Variants in SETD1A observed in about 807,000 individuals in gnomAD.
SETD1A encodes the protein SET domain containing 1A, histone lysine methyltransferase, also known as histone-lysine N-methyltransferase SETD1A.
A neutral mutation model predicts 149.9 loss-of-function variants in SETD1A; 29 were observed. That is an observed-to-expected ratio of 0.19 (90% CI 0.14 to 0.26). The LOEUF (loss-of-function observed/expected upper bound fraction) is 0.26, where lower values mean the gene tolerates loss of function less well. Ranked by LOEUF, SETD1A falls within the 10% of genes least tolerant of loss-of-function variation. The pLI, the probability that SETD1A is intolerant of heterozygous loss-of-function variation, is 1.00. For synonymous variants in SETD1A, 1,141 were observed against 968.5 expected (o/e 1.18, Z -3.31); for missense variants, 2,109 against 2,353.1 (o/e 0.90, Z 2.15).
intron 13 of SETD1A, among the ~76,000 whole-genome samples, chr16:30,977,982 G>C (rs531402540): frequency 3.3e-5 from 5 of 152,246 alleles, no homozygotes; most frequent in African/African-American, 1.2e-4. Context: ...CTGTCTGTAA[G>C]ATAGGACCCT....
chr16:30,958,079 G>C (rs2055988569), intron 1 of SETD1A, 115 bp downstream of exon 1: 1 of 150,056 alleles, frequency 6.7e-6, no homozygotes, highest in South Asian at 2.0e-4. Flanking sequence ...GCGCCGCTGA[G>C]GTGCCGCGCG....
At chr16:30,977,174 G>A (rs1567361083) in intron 13 of SETD1A, among the ~76,000 whole-genome samples, 1 of 152,294 alleles carries the variant, frequency 6.6e-6, no homozygotes, top group Non-Finnish European at 1.5e-5. Context: ...TCGATCTCTT[G>A]ACCTCATGGT....
rs2143506326 is a variant in SETD1A, at chr16:30,966,302, G to A, written c.2421G>A (p.Gln807=). The change falls in exon 8 of 19, where the codon CAG becomes CAA. Residue 807 remains glutamine (Q), a synonymous_variant. Transcript: ENST00000262519. Reference sequence around the variant, plus strand: ...TCCAGGAGATGAAGAGCATCATGCAGCGAGACCTCAACCGCAAGATGGTGG... The same window carrying A: ...TCCAGGAGATGAAGAGCATCATGCAACGAGACCTCAACCGCAAGATGGTGG... ...MLVQEMKSIM[Q]RDLNRKMVEN... is the part of the protein sequence containing the mutation. The A allele has an allele frequency of 1.2e-6, 2 of 1,613,962 alleles. No homozygotes were observed. Among genetic ancestry groups the A allele is most frequent in the South Asian group, 1.1e-5 (1 of 91,088 alleles).
Position 30,958,818 on chromosome 16 carries a change from C to T in SETD1A, c.87C>T (p.Asp29=). 1.2e-6 allele frequency: 2 copies of T among 1,614,160 alleles called. No homozygotes were observed. Among genetic ancestry groups the T allele is most frequent in the Non-Finnish European group, 1.7e-6 (2 of 1,179,986 alleles). ...NYKLIVDPAL[D]PALRRPSQKV... is the part of the protein sequence containing the mutation. ...AGCTCATCGTGGATCCTGCCTTGGA[C>T]CCTGCCCTGCGCAGGCCTTCTCAGA... The change falls in exon 2 of 19, where the codon GAC becomes GAT. Residue 29 remains aspartate, a synonymous_variant. Coordinates refer to ENST00000262519, the MANE Select transcript of SETD1A (RefSeq NM_014712.3).
chr16:30,984,213 G>A lies in SETD1A; in HGVS notation c.*190G>A. Reference sequence around the variant, plus strand: ...AGCTTCTGCCTCTCCTGTCACCCCTGCCCACCACCCCCTGATTGTTTTTCT... The same window carrying A: ...AGCTTCTGCCTCTCCTGTCACCCCTACCCACCACCCCCTGATTGTTTTTCT... On this transcript the variant is annotated 3_prime_UTR_variant, in exon 19 of 19. Transcript: ENST00000262519. 3.4e-6 allele frequency: 2 copies of A among 580,044 alleles called. No homozygotes were observed. Among genetic ancestry groups the A allele is most frequent in the Non-Finnish European group, 6.1e-6 (2 of 326,080 alleles). The allele number at this position is 580,044 out of a possible 1,614,324, so 35.9% of individuals were successfully genotyped here. A position where few individuals can be genotyped will look rare whatever the true frequency, so the allele number is the denominator to read the frequency against.
chr16:30,963,816 C>T (rs1037297720), intron 5 of SETD1A, among the ~76,000 whole-genome samples: 1 of 152,132 alleles, frequency 6.6e-6, no homozygotes, highest in African/African-American at 2.4e-5. Flanking sequence ...CACGGTGAAA[C>T]CCCATCTCTA....
rs1385508965 is a variant in SETD1A, at chr16:30,958,830, C to T, written c.99C>T (p.Arg33=). ...ATCCTGCCTTGGACCCTGCCCTGCG[C>T]AGGCCTTCTCAGAAGGTGTACCGCT... is the stretch of plus-strand genomic sequence containing the variant. The part of the protein sequence containing the change: ...IVDPALDPAL[R]RPSQKVYRYD... Residue 33 remains arginine (R), a synonymous_variant, in exon 2 of 19, where the codon CGC becomes CGT. Transcript: ENST00000262519. The T allele has an allele frequency of 1.2e-6, 2 of 1,614,216 alleles. No homozygotes were observed. Among genetic ancestry groups the T allele is most frequent in the Non-Finnish European group, 1.7e-6 (2 of 1,180,010 alleles).
chr16:30,965,536 A>G, intron 7 of SETD1A, 65 bp from the exon 8 acceptor site: 2 of 1,592,336 alleles, frequency 1.3e-6, no homozygotes, highest in East Asian at 2.2e-5. Context: ...AGGGAAGGGA[A>G]CCAGATGAGA....
At chr16:30,958,462 A>C in intron 1 of SETD1A, 6 of 419,630 alleles carry the variant, frequency 1.4e-5, no homozygotes, top group Admixed American at 3.8e-5. Flanking sequence ...GGCGCGCGCT[A>C]GGGAGAGCGG....
rs553246875 is a variant in SETD1A, at chr16:30,961,583, G to T, written c.517+46G>T. The T allele has an allele frequency of 1.0e-5, 16 of 1,593,224 alleles. No homozygotes were observed. The African/African-American group carries it at 1.6e-4, about 16-fold the overall frequency. Reference sequence around the variant, plus strand: ...CACTCAGGCTTGGCCTCCAGCGGAGGTTGTACATGCAAATGCCTGTCAGGG... The same window carrying T: ...CACTCAGGCTTGGCCTCCAGCGGAGTTTGTACATGCAAATGCCTGTCAGGG... On this transcript the variant is annotated intron_variant, in intron 4 of 18. Coordinates refer to ENST00000262519, the MANE Select transcript of SETD1A (RefSeq NM_014712.3). This position sits in a 1 kb window ranked among gnomAD's most constrained non-coding sequence, Gnocchi z 4.0.
chr16:30,983,088 G>A lies in SETD1A; in HGVS notation c.4813-547G>A, dbSNP rs2056402142. Among the ~76,000 whole-genome samples the A allele has an allele frequency of 6.6e-6, 1 of 152,194 alleles. No individual in the cohort carries two copies. Among genetic ancestry groups the A allele is most frequent in the South Asian group, 2.1e-4 (1 of 4,828 alleles). ...CACATAGCTGGCGGCTGAGGCTCTG[G>A]AAGGGAGTGAGGTCACCCGAGGAGG... is the stretch of plus-strand genomic sequence containing the variant. On this transcript the variant is annotated intron_variant, in intron 17 of 18. Transcript: ENST00000262519. The surrounding 1 kb of genome is among the most constrained non-coding windows in gnomAD (Gnocchi z 6.8).
At chr16:30,974,584 CAGTT>C (rs772284103) in intron 13 of SETD1A, among the ~76,000 whole-genome samples, 4 of 152,130 alleles carry the variant, frequency 2.6e-5, no homozygotes, top group Admixed American at 6.6e-5. Flanking sequence ...TTGCATTTGA[CAGTT>C]AGGAGGTCAT....
intron 9 of SETD1A, 40 bp from the exon 10 acceptor site, chr16:30,967,461 T>G (rs1356093018): frequency 5.0e-6 from 8 of 1,586,938 alleles, no homozygotes; most frequent in Non-Finnish European, 6.9e-6. Flanking sequence ...GCCTGAGTGT[T>G]TGAGCTCTAA....
In SETD1A at chr16:30,966,066, C is replaced by T; in HGVS notation, c.2185C>T (p.Pro729Ser). ...CCCGCAGGAGGCAGCCTACGGCTTG[C>T]CGTATGCTCTATATGCACAGGGGCA... ...PPPQEAAYGL[P>S]YALYAQGQEG... The change falls in exon 8 of 19, where the codon CCG becomes TCG. Residue 729 changes from proline (P) to serine (S), a missense_variant. Transcript: ENST00000262519. 3.2e-6 allele frequency: 5 copies of T among 1,580,398 alleles called. No individual in the cohort carries two copies. The highest frequency in any genetic ancestry group is 4.3e-6 in the Non-Finnish European group (5 of 1,162,120).
rs1461725710 is a variant in SETD1A at position 30,959,065 on chromosome 16, C to T, written c.151-26C>T. On this transcript the variant is annotated intron_variant, in intron 2 of 18. Coordinates refer to ENST00000262519, the MANE Select transcript of SETD1A (RefSeq NM_014712.3). ...CTAGCCTGGATTCACCCTGAGCTCT[C>T]TTTCTGCTGCTGCTTTCCTTCCTAG... 1.2e-5 allele frequency: 19 copies of T among 1,568,244 alleles called. No individual in the cohort carries two copies. In the East Asian group the frequency reaches 1.6e-4, roughly 13 times the overall value.
In SETD1A at chr16:30,967,604, C is replaced by T. The variant is rs1330811628; in HGVS notation, c.2770+16C>T. 1.9e-6 allele frequency: 3 copies of T among 1,609,468 alleles called. No individual in the cohort carries two copies. Among genetic ancestry groups the T allele is most frequent in the South Asian group, 2.2e-5 (2 of 91,004 alleles). ...GATGAAGACGGTGAGCAGGGTCAGG[C>T]ATAAGGAGAAGGGGTGTGCTGCGTG... On this transcript the variant is annotated intron_variant, in intron 10 of 18. Coordinates refer to ENST00000262519, the MANE Select transcript of SETD1A (RefSeq NM_014712.3).
Position 30,963,483 on chromosome 16 carries a change from C to T in SETD1A, c.568C>T (p.Pro190Ser). The T allele has an allele frequency of 1.9e-6, 3 of 1,613,466 alleles. No individual in the cohort carries two copies. Among genetic ancestry groups the T allele is most frequent in the South Asian group, 1.1e-5 (1 of 91,012 alleles). Residue 190 changes from proline to serine, a missense_variant, in exon 5 of 19, where the codon CCT (proline) becomes TCT (serine). By Grantham distance (74) the Pro-to-Ser change is moderately conservative. Coordinates refer to ENST00000262519, the MANE Select transcript of SETD1A (RefSeq NM_014712.3). ...YELIVNGSYT[P>S]QTVPTGGKAL... is the part of the protein sequence containing the mutation. The stretch of plus-strand genomic sequence containing the variant: ...ACTAATTGTCAATGGCTCCTACACC[C>T]CTCAGACTGTGCCCACTGGGGGCAA...
rs777737462 is a variant in SETD1A, at chr16:30,967,520, C to T, written c.2702C>T (p.Ser901Leu). 9.9e-6 allele frequency: 16 copies of T among 1,613,782 alleles called. No homozygotes were observed. Among genetic ancestry groups the T allele is most frequent in the East Asian group, 4.5e-5 (2 of 44,864 alleles). Residue 901 changes from serine (S) to leucine (L), a missense_variant, in exon 10 of 19, where the codon TCG (serine) becomes TTG (leucine). Physicochemically the swap from Ser to Leu is moderately radical, Grantham distance 145. Around this residue, in one of 8 missense-constraint regions of SETD1A, gnomAD observed 832 missense variants for 815.6 expected, o/e 1.02. Coordinates refer to ENST00000262519, the MANE Select transcript of SETD1A (RefSeq NM_014712.3). ...CCCCAGGTAAAGCGGAAAGAGCCAT[C>T]GGAAATTTCCGAGGCCAGTGAGGAA... is the stretch of plus-strand genomic sequence containing the variant. Reference protein sequence around the residue: ...PSFKVKRKEPSEISEASEEKR... With the variant: ...PSFKVKRKEPLEISEASEEKR...
At position 30,971,761 on chromosome 16, in the gene SETD1A, A is replaced by T. The variant is rs143637028; in HGVS notation, c.3358+42A>T. ...TGTCGGTTAGATCGCTGTGTGTGTG[A>T]GAGAGAGAGAGAAAACAGTGGTGCT... On this transcript the variant is annotated intron_variant, in intron 13 of 18. Coordinates refer to ENST00000262519, the MANE Select transcript of SETD1A (RefSeq NM_014712.3). 4,305 of 1,383,676 alleles carry T rather than the reference A, an allele frequency of 3.1e-3. 10 individuals carry two copies. Among genetic ancestry groups the T allele is most frequent in the Non-Finnish European group, 3.1e-3 (3,245 of 1,042,050 alleles). 85.7% of individuals were successfully genotyped at this position (1,383,676 alleles called of 1,614,324 possible).
Sources: allele counts gnomAD v4.1 joint callset (sites outside exome capture counted in the v4.1 genomes callset), GRCh38; gene constraint gnomAD v4.1.1; regional missense constraint gnomAD v4.1.1; non-coding constraint Gnocchi (gnomAD v3.1); transcripts MANE v1.5; gene names NCBI Gene and HGNC (gene_info 2026-07-23, HGNC 2026-07-21).